Variants in TMCC1 observed in about 807,000 individuals in gnomAD.
TMCC1 encodes transmembrane and coiled-coil domain family 1.
TMCC1 carries 15 observed loss-of-function variants against 52.4 expected under a neutral mutation model. The observed-to-expected ratio is 0.29, with a 90% CI of 0.19 to 0.44. The LOEUF is 0.44. Among genes scored for constraint, TMCC1 ranks in the 20% least tolerant of loss-of-function variants. TMCC1 has a pLI of 1.00. For missense variants in TMCC1, 503 were observed against 806.0 expected, an observed-to-expected ratio of 0.62 and a Z score of 4.55; for synonymous variants, 279 against 301.9, an observed-to-expected ratio of 0.92 and a Z score of 0.79.
intron 3 of TMCC1, among the ~76,000 whole-genome samples, chr3:129,829,600 T>C (rs989658812): frequency 1.3e-5 from 2 of 152,074 alleles, no homozygotes; most frequent in African/African-American, 4.8e-5. Context: ...ATGCAAAATA[T>C]GATGTAGGAG....
chr3:129,857,855 G>A (rs193006657), intron 2 of TMCC1, among the ~76,000 whole-genome samples: 7 of 152,252 alleles, frequency 4.6e-5, no homozygotes, highest in Admixed American at 2.6e-4. Context: ...GAGCCACTGC[G>A]CCCAGCCATG....
At chr3:129,750,668 G>A (rs113666009) in intron 4 of TMCC1, among the ~76,000 whole-genome samples, 12,573 of 145,816 alleles carry the variant, frequency 0.086, 691 homozygotes, top group East Asian at 0.17. Flanking sequence ...TCCACCTCCC[G>A]GGTTCACGCC....
At chr3:129,679,453 G>C (rs1032299609) in intron 4 of TMCC1, among the ~76,000 whole-genome samples, 5 of 152,090 alleles carry the variant, frequency 3.3e-5, no homozygotes, top group South Asian at 4.2e-4. Context: ...CTACAGGTGC[G>C]CACCACCACG....
At chr3:129,861,497 A>G (rs1190363748) in intron 2 of TMCC1, among the ~76,000 whole-genome samples, 1 of 152,220 alleles carries the variant, frequency 6.6e-6, no homozygotes, top group Admixed American at 6.5e-5. Flanking sequence ...CAAGTGATTT[A>G]TAATCTCATT....
chr3:129,748,926 G>A (rs1340454106), intron 4 of TMCC1, among the ~76,000 whole-genome samples: 1 of 152,028 alleles, frequency 6.6e-6, no homozygotes, highest in African/African-American at 2.4e-5. Context: ...CCGGGAGAAG[G>A]AGGCACAAGA....
chr3:129,880,735 T>G (rs2061419606), intron 1 of TMCC1, among the ~76,000 whole-genome samples, 176 bp from the exon 2 acceptor site: 1 of 152,116 alleles, frequency 6.6e-6, no homozygotes. Flanking sequence ...ATTGGAGCAT[T>G]TCAGAGTTCA....
intron 4 of TMCC1, among the ~76,000 whole-genome samples, chr3:129,778,105 T>C (rs1468324687): frequency 2.0e-5 from 3 of 152,210 alleles, no homozygotes; most frequent in Non-Finnish European, 4.4e-5. Flanking sequence ...TGCTAGTTCT[T>C]TTGTCCAGAC....
chr3:129,749,241 T>C (rs2052280779), intron 4 of TMCC1, among the ~76,000 whole-genome samples: 1 of 151,994 alleles, frequency 6.6e-6, no homozygotes, highest in Admixed American at 6.6e-5. Context: ...GTAAAAGACC[T>C]ATGGAATGAG....
chr3:129,889,231 C>T (rs1005024324), intron 1 of TMCC1, among the ~76,000 whole-genome samples: 3 of 152,128 alleles, frequency 2.0e-5, no homozygotes, highest in Non-Finnish European at 4.4e-5. Flanking sequence ...GAGATCGTTC[C>T]ACTGCACTCC....
intron 4 of TMCC1, among the ~76,000 whole-genome samples, chr3:129,807,360 A>G (rs1232267790): frequency 6.6e-6 from 1 of 152,186 alleles, no homozygotes; most frequent in Non-Finnish European, 1.5e-5. Flanking sequence ...TAAAATATAA[A>G]ATACAGAATA....
chr3:129,691,651 G>T (rs1458139329), intron 4 of TMCC1, among the ~76,000 whole-genome samples: 1 of 152,144 alleles, frequency 6.6e-6, no homozygotes, highest in Non-Finnish European at 1.5e-5. Context: ...GGGCATGGTG[G>T]TACATGCCTG....
intron 4 of TMCC1, among the ~76,000 whole-genome samples, chr3:129,788,385 T>C (rs1024612106): frequency 1.3e-5 from 2 of 152,220 alleles, no homozygotes; most frequent in African/African-American, 2.4e-5. Flanking sequence ...TTATTTCCTA[T>C]AGGGAGGTCA....
chr3:129,788,308 C>T (rs770791115), intron 4 of TMCC1, among the ~76,000 whole-genome samples: 13 of 152,094 alleles, frequency 8.5e-5, no homozygotes, highest in Non-Finnish European at 1.9e-4. Context: ...ATTTAAATGG[C>T]ATCAATATCA....
intron 4 of TMCC1, among the ~76,000 whole-genome samples, chr3:129,776,459 A>G (rs2107714017): frequency 6.6e-6 from 1 of 152,348 alleles, no homozygotes. Flanking sequence ...GGTATTACCC[A>G]TGGGAAGTAT....
chr3:129,831,409 C>G (rs1011622984), intron 3 of TMCC1, among the ~76,000 whole-genome samples: 1 of 152,088 alleles, frequency 6.6e-6, no homozygotes, highest in Non-Finnish European at 1.5e-5. Flanking sequence ...CAAAACTTAC[C>G]TTAATCATAC....
At chr3:129,849,706 C>A (rs2048623) in intron 2 of TMCC1, among the ~76,000 whole-genome samples, 95,321 of 150,108 alleles carry the variant, frequency 0.64, 35,313 homozygotes, top group Non-Finnish European at 0.83. Context: ...GCAGAGCTTG[C>A]AGTGAGCCAA....
chr3:129,802,181 A>G (rs1393316187), intron 4 of TMCC1, among the ~76,000 whole-genome samples: 3 of 152,234 alleles, frequency 2.0e-5, no homozygotes, highest in Non-Finnish European at 1.5e-5. Flanking sequence ...AAGATTGCAT[A>G]AACTGTAAAG....
At position 129,670,867 on chromosome 3, in the gene TMCC1, A is replaced by G. The variant is rs1324190685; in HGVS notation, c.974T>C (p.Met325Thr). ...TCCTACATCCTTCAGACCCTGGTGC[A>G]TGTCCCTGAAGACATCCTTTGGCTG... ...PRQPKDVFRD[M>T]HQGLKDVGAK... Residue 325 changes from methionine (M) to threonine (T), a missense_variant, in exon 5 of 7, where the codon ATG becomes ACG. Transcript: ENST00000393238. 6.2e-7 allele frequency: 1 copy of G among 1,614,142 alleles called. No homozygotes were observed. The highest frequency in any genetic ancestry group is 2.2e-5 in the East Asian group (1 of 44,882).
At chr3:129,829,828 G>C (rs1387642084) in intron 3 of TMCC1, among the ~76,000 whole-genome samples, 1 of 152,180 alleles carries the variant, frequency 6.6e-6, no homozygotes, top group East Asian at 1.9e-4. Context: ...GAGTTTAGTG[G>C]AACAGGAATG....
Sources: gnomAD v4.1 joint callset for allele counts (sites outside exome capture counted in the v4.1 genomes callset) on GRCh38, gnomAD v4.1.1 for gene constraint, MANE v1.5 for transcripts, NCBI Gene and HGNC (gene_info 2026-07-23, HGNC 2026-07-21) for gene names.